PBX3: variants seen among roughly 807,000 people sequenced by gnomAD.
PBX3 encodes the protein PBX homeobox 3.
Under a neutral mutation model 48.5 loss-of-function variants are expected in PBX3, and 14 were observed. The observed-to-expected ratio is 0.29, with a 90% CI of 0.19 to 0.45. PBX3 has a LOEUF of 0.45. PBX3 is among the 20% of genes least tolerant of loss of function. PBX3 has a pLI of 1.00. For synonymous variants in PBX3, 210 were observed against 200.3 expected (o/e 1.05, Z -0.41); for missense variants, 386 against 546.7 (o/e 0.71, Z 2.93).
At chr9:125,878,023 A>G (rs1200902342) in intron 2 of PBX3, among the ~76,000 whole-genome samples, 26 of 152,180 alleles carry the variant, frequency 1.7e-4, no homozygotes, top group Admixed American at 1.7e-3. Flanking sequence ...GTTTCTTGGT[A>G]GTGGAATGAG....
At chr9:125,921,916 A>G (rs1841465767) in intron 3 of PBX3, among the ~76,000 whole-genome samples, 1 of 152,180 alleles carries the variant, frequency 6.6e-6, no homozygotes, top group African/African-American at 2.4e-5. Flanking sequence ...GCTTTTCTTG[A>G]TGGTTACAAA....
At chr9:125,931,387 C>G (rs1172972977) in intron 4 of PBX3, among the ~76,000 whole-genome samples, 1 of 152,160 alleles carries the variant, frequency 6.6e-6, no homozygotes, top group Non-Finnish European at 1.5e-5. Context: ...ACTGCAGCCT[C>G]GACATCCCAT....
At chr9:125,788,317 G>C (rs1282767230) in intron 2 of PBX3, among the ~76,000 whole-genome samples, 1 of 152,144 alleles carries the variant, frequency 6.6e-6, no homozygotes, top group African/African-American at 2.4e-5. Context: ...AAGGGGAAGA[G>C]ACAAATTTCT....
At chr9:125,776,017 T>C (rs1202240621) in intron 2 of PBX3, among the ~76,000 whole-genome samples, 1 of 152,228 alleles carries the variant, frequency 6.6e-6, no homozygotes, top group Non-Finnish European at 1.5e-5. Flanking sequence ...TTTCTATACA[T>C]AGGGTTGTGA....
At chr9:125,888,487 A>G (rs1840554776) in intron 2 of PBX3, among the ~76,000 whole-genome samples, 1 of 152,148 alleles carries the variant, frequency 6.6e-6, no homozygotes, top group Non-Finnish European at 1.5e-5. Flanking sequence ...GAGAGGCGGC[A>G]TACATGCTTT....
chr9:125,840,719 A>C (rs1839266567), intron 2 of PBX3, among the ~76,000 whole-genome samples: 1 of 152,064 alleles, frequency 6.6e-6, no homozygotes, highest in African/African-American at 2.4e-5. Flanking sequence ...TTGGGAAGTC[A>C]TATATATGAG....
intron 5 of PBX3, among the ~76,000 whole-genome samples, chr9:125,940,816 A>C (rs944417790): frequency 1.3e-5 from 2 of 152,222 alleles, no homozygotes; most frequent in Non-Finnish European, 2.9e-5. Context: ...AAATCAGATT[A>C]ATAGTTATTT....
intron 2 of PBX3, chr9:125,865,425 G>T (rs1839955412): frequency 6.2e-6 from 1 of 162,510 alleles, no homozygotes; most frequent in South Asian, 2.1e-4. Context: ...GACTATATTT[G>T]TTCTAAATTA....
At chr9:125,781,095 G>A (rs1271872378) in intron 2 of PBX3, among the ~76,000 whole-genome samples, 4 of 150,094 alleles carry the variant, frequency 2.7e-5, no homozygotes, top group Admixed American at 6.7e-5. Flanking sequence ...AGGCAGAGAC[G>A]CTCCTCACTT....
At chr9:125,801,578 G>A (rs1012863143) in intron 2 of PBX3, among the ~76,000 whole-genome samples, 5 of 152,066 alleles carry the variant, frequency 3.3e-5, no homozygotes, top group African/African-American at 9.7e-5. Flanking sequence ...TGCTGTTCCT[G>A]ATAAAGATTT....
rs911984830 is a variant in PBX3, at chr9:125,748,481, T to G, written c.201-69T>G. On this transcript the variant is annotated intron_variant, in intron 1 of 8. Coordinates refer to ENST00000373489, the MANE Select transcript of PBX3 (RefSeq NM_006195.6). ...GCTGGAATTAAATCTTGGGTCTAAC[T>G]TAAAGGAAGGCGCCATATTATTCCA... The G allele has an allele frequency of 2.5e-6, 4 of 1,579,552 alleles. No homozygotes were observed. The African/African-American group carries it at 4.0e-5, about 16-fold the overall frequency.
chr9:125,948,675 T>C (rs977035384), intron 5 of PBX3, among the ~76,000 whole-genome samples: 1 of 150,872 alleles, frequency 6.6e-6, no homozygotes. Context: ...GTATATACTG[T>C]ACATATCTGT....
rs536916380 is a variant in PBX3 at position 125,892,493 on chromosome 9, C to T, written c.275-23193C>T. On this transcript the variant is annotated intron_variant, in intron 2 of 8. Coordinates refer to ENST00000373489, the MANE Select transcript of PBX3 (RefSeq NM_006195.6). ...TCATATTCTTACATGGTATCATTAG[C>T]TTTGACATCACTGTATGGTGCCAGA... 3.1e-3 allele frequency among the ~76,000 whole-genome samples: 479 copies of T among 152,238 alleles called. 9 individuals carry two copies. Among genetic ancestry groups the T allele is most frequent in the Non-Finnish European group, 9.4e-4 (64 of 68,014 alleles).
At chr9:125,932,192 G>C (rs1841732922) in intron 4 of PBX3, among the ~76,000 whole-genome samples, 1 of 152,174 alleles carries the variant, frequency 6.6e-6, no homozygotes, top group Admixed American at 6.5e-5. Context: ...ATGGAGCCCG[G>C]AATGGAACCA....
chr9:125,903,962 C>T (rs1314962760), intron 2 of PBX3, among the ~76,000 whole-genome samples: 1 of 151,672 alleles, frequency 6.6e-6, no homozygotes, highest in Non-Finnish European at 1.5e-5. Context: ...TTAAAATGGG[C>T]TTAATAATAG....
intron 5 of PBX3, among the ~76,000 whole-genome samples, chr9:125,943,019 A>G (rs965550365): frequency 2.0e-5 from 3 of 152,122 alleles, no homozygotes; most frequent in African/African-American, 7.2e-5. Context: ...AGAATTGACT[A>G]TTTTGAGGAA....
chr9:125,929,902 A>G, intron 4 of PBX3, 57 bp downstream of exon 4: 2 of 1,339,744 alleles, frequency 1.5e-6, no homozygotes, highest in Non-Finnish European at 2.1e-6. Flanking sequence ...CTCCTTGTGT[A>G]TTATTTTCTG....
intron 2 of PBX3, among the ~76,000 whole-genome samples, chr9:125,900,729 T>C (rs1840925695): frequency 6.6e-6 from 1 of 151,696 alleles, no homozygotes; most frequent in Admixed American, 6.6e-5. Flanking sequence ...ATTCCCCAAA[T>C]ATAACTTGAT....
chr9:125,877,324 A>G (rs1277538726), intron 2 of PBX3, among the ~76,000 whole-genome samples: 1 of 152,204 alleles, frequency 6.6e-6, no homozygotes, highest in Non-Finnish European at 1.5e-5. Context: ...TCCGATTTCC[A>G]TCCTGTACCC....
Sources: gnomAD v4.1 joint callset for allele counts (sites outside exome capture counted in the v4.1 genomes callset) on GRCh38, gnomAD v4.1.1 for gene constraint, MANE v1.5 for transcripts, NCBI Gene and HGNC (gene_info 2026-07-23, HGNC 2026-07-21) for gene names.